NLRP6: variants seen among roughly 807,000 people sequenced by gnomAD.
NLRP6 encodes NACHT, LRR and PYD domains-containing protein 6.
A neutral mutation model predicts 70.9 loss-of-function variants in NLRP6; 55 were observed. The observed-to-expected ratio is 0.78, with a 90% confidence interval of 0.62 to 0.97. The LOEUF (loss-of-function observed/expected upper bound fraction) is 0.97, where lower values mean the gene tolerates loss of function less well. Among genes scored for constraint, NLRP6 ranks in the 50% least tolerant of loss-of-function variants. The probability of loss-of-function intolerance (pLI) is 0.00; values close to 1 mark genes in which losing one functional copy is unlikely to be tolerated. For missense variants in NLRP6, 1,241 were observed against 1,238.3 expected, an observed-to-expected ratio of 1.00 and a Z score of -0.03; for synonymous variants, 652 against 581.9, an observed-to-expected ratio of 1.12 and a Z score of -1.73.
chr11:280,727 CG>C lies in NLRP6; in HGVS notation c.996del (p.Arg333GlyfsTer43). 6.3e-7 allele frequency: 1 copy of C among 1,583,006 alleles called. No homozygotes were observed. The highest frequency in any genetic ancestry group is 8.6e-7 in the Non-Finnish European group (1 of 1,164,778). ...TGGTGACCACGCGCGCCGCCGCCCC[CG>C]GGAGGCTGCAGGGCCGCCTGTGTTC... ...LLVTTRAAAP[G>X]RLQGRLCSPQ... On this transcript the variant is annotated frameshift_variant, in exon 4 of 8. Coordinates refer to ENST00000534750, the MANE Select transcript of NLRP6 (RefSeq NM_001276700.2). LOFTEE classifies it high-confidence loss of function.
intron 7 of NLRP6, 103 bp downstream of exon 7, chr11:284,745 C>T: frequency 9.1e-7 from 1 of 1,095,632 alleles, no homozygotes; most frequent in East Asian, 2.6e-5. Flanking sequence ...GGGCCCCTCC[C>T]AGAGACCTCC....
At chr11:279,687 C>T (rs997353415) in intron 2 of NLRP6, 80 bp downstream of exon 2, 64 of 1,354,870 alleles carry the variant, frequency 4.7e-5, no homozygotes, top group Admixed American at 1.1e-4. Context: ...GAAGCCCCGG[C>T]GCGGTCCCCG....
At position 280,499 on chromosome 11, in the gene NLRP6, C is replaced by G; in HGVS notation, c.765C>G (p.Asp255Glu). ...GCAGCCTGGCTGACCTGATCCTGGA[C>G]CAGTGCCCCGACCGCGGCGCGCCGG... is the stretch of plus-strand genomic sequence containing the variant. ...GTRSLADLIL[D>E]QCPDRGAPVP... Residue 255 changes from aspartate (D) to glutamate (E), a missense_variant, in exon 4 of 8, where the codon GAC (aspartate) becomes GAG (glutamate). Asp to Glu is a conservative substitution (Grantham distance 45, BLOSUM62 2). Transcript: ENST00000534750. 1 of 1,581,972 alleles carries G rather than the reference C, an allele frequency of 6.3e-7. No individual in the cohort carries two copies. The highest frequency in any genetic ancestry group is 8.5e-7 in the Non-Finnish European group (1 of 1,174,146).
rs758661197 is a variant in NLRP6 at position 281,770 on chromosome 11, T to G, written c.2036T>G (p.Leu679Trp). 2 of 1,608,922 alleles carry G rather than the reference T, an allele frequency of 1.2e-6. No homozygotes were observed. Among genetic ancestry groups the G allele is most frequent in the South Asian group, 1.1e-5 (1 of 91,036 alleles). ...GCACTGCGGCTGATCAGCTGCAGATTGGTTGCTGCGCAGGAGAAGAAGAAG... is the reference window on the plus strand; with the variant it reads ...GCACTGCGGCTGATCAGCTGCAGATGGGTTGCTGCGCAGGAGAAGAAGAAG... ...GQALRLISCRLVAAQEKKKKS... is the reference protein window; with the variant it reads ...GQALRLISCRWVAAQEKKKKS... Residue 679 changes from leucine (L) to tryptophan (W), a missense_variant, in exon 4 of 8, where the codon TTG becomes TGG. Coordinates refer to ENST00000534750, the MANE Select transcript of NLRP6 (RefSeq NM_001276700.2).
chr11:282,599 G>T lies in NLRP6; in HGVS notation c.2106-106G>T, dbSNP rs982966808. 19 of 871,480 alleles carry T rather than the reference G, an allele frequency of 2.2e-5. No homozygotes were observed. The African/African-American group carries it at 2.8e-4, about 13-fold the overall frequency. 54.0% of individuals were successfully genotyped at this position (871,480 alleles called of 1,614,324 possible). A position where few individuals can be genotyped will look rare whatever the true frequency, so the allele number is the denominator to read the frequency against. ...GGGGGTGGCTCAGCAAGGAGGTGAG[G>T]AGGAGGGGCAGCTCTGAGACCCCAG... On this transcript the variant is annotated intron_variant, in intron 4 of 7. Coordinates refer to ENST00000534750, the MANE Select transcript of NLRP6 (RefSeq NM_001276700.2).
intron 2 of NLRP6, 110 bp from the exon 3 acceptor site, chr11:279,724 C>A: frequency 7.4e-7 from 1 of 1,348,916 alleles, no homozygotes; most frequent in Non-Finnish European, 9.6e-7. Context: ...TCCACAAATT[C>A]GCGGGCCCCA....
chr11:280,054 T>G (rs755718945), intron 3 of NLRP6, 30 bp from the exon 4 acceptor site: 67 of 1,455,838 alleles, frequency 4.6e-5, no homozygotes, highest in Non-Finnish European at 9.1e-6. Flanking sequence ...CTCCGACCCT[T>G]GTCCCCGCGC....
chr11:281,690 C>T lies in NLRP6; in HGVS notation c.1956C>T (p.Cys652=). Reference sequence around the variant, plus strand: ...TGGCGCTGCAGCGAGTGCGCTTCTGCCGCATGGACGTGGCTGTTCTGAGCT... The same window carrying T: ...TGGCGCTGCAGCGAGTGCGCTTCTGTCGCATGGACGTGGCTGTTCTGAGCT... ...PELALQRVRF[C]RMDVAVLSYC... is the part of the protein sequence containing the mutation. Residue 652 remains cysteine (C), a synonymous_variant, in exon 4 of 8, where the codon TGC becomes TGT. Transcript: ENST00000534750. 4 of 1,613,450 alleles carry T rather than the reference C, an allele frequency of 2.5e-6. No homozygotes were observed. The highest frequency in any genetic ancestry group is 3.4e-6 in the Non-Finnish European group (4 of 1,180,028).
At position 278,541 on chromosome 11, in the gene NLRP6, A is replaced by G. The variant is rs765804680; in HGVS notation, c.-29A>G. 5 of 1,540,776 alleles carry G rather than the reference A, an allele frequency of 3.2e-6. No homozygotes were observed. Among genetic ancestry groups the G allele is most frequent in the Non-Finnish European group, 4.4e-6 (5 of 1,144,552 alleles). On this transcript the variant is annotated 5_prime_UTR_variant, in exon 1 of 8. Coordinates refer to ENST00000534750, the MANE Select transcript of NLRP6 (RefSeq NM_001276700.2). The surrounding 1 kb of genome is among the most constrained non-coding windows in gnomAD (Gnocchi z 4.7). ...TCTCTGATCCCCACCTCTGCCCCGGAGTGCTAGACCCAGGGAGGAAGAGAC... is the reference window on the plus strand; with the variant it reads ...TCTCTGATCCCCACCTCTGCCCCGGGGTGCTAGACCCAGGGAGGAAGAGAC...
At position 284,235 on chromosome 11, in the gene NLRP6, C is replaced by T. The variant is rs1229059784; in HGVS notation, c.2204C>T (p.Ser735Phe). ...TCTGTGCTTCTTGACCACAGGCTGT[C>T]CCACTGCAAACTCCCTGACGCGGTC... ...PLCHLSSLTL[S>F]HCKLPDAVCR... The change falls in exon 6 of 8, where the codon TCC becomes TTC. Residue 735 changes from serine to phenylalanine, a missense_variant. Physicochemically the swap from Ser to Phe is radical, Grantham distance 155. Transcript: ENST00000534750. The T allele has an allele frequency of 1.2e-6, 2 of 1,613,052 alleles. No homozygotes were observed. The highest frequency in any genetic ancestry group is 2.7e-5 in the African/African-American group (2 of 74,922).
rs578006118 is a variant in NLRP6, at chr11:281,207, A to T, written c.1473A>T (p.Thr491=). ...AGGAGCTGCCGGGCGTGCTGGAGACAGAGGTCACCTACCAGTTCATCGACC... is the reference window on the plus strand; with the variant it reads ...AGGAGCTGCCGGGCGTGCTGGAGACTGAGGTCACCTACCAGTTCATCGACC... ...SKKELPGVLE[T]EVTYQFIDQS... The change falls in exon 4 of 8, where the codon ACA becomes ACT. Residue 491 remains threonine (T), a synonymous_variant. Coordinates refer to ENST00000534750, the MANE Select transcript of NLRP6 (RefSeq NM_001276700.2). 5.0e-6 allele frequency: 8 copies of T among 1,613,234 alleles called. No homozygotes were observed. The South Asian group carries it at 7.7e-5, about 15-fold the overall frequency.
In NLRP6 at chr11:281,721, G is replaced by A. The variant is rs1490499073; in HGVS notation, c.1987G>A (p.Val663Met). 8 of 1,613,160 alleles carry A rather than the reference G, an allele frequency of 5.0e-6. No individual in the cohort carries two copies. The highest frequency in any genetic ancestry group is 2.2e-5 in the South Asian group (2 of 91,094). Residue 663 changes from valine to methionine, a missense_variant, in exon 4 of 8, where the codon GTG becomes ATG. Transcript: ENST00000534750. The part of the protein sequence containing the change: ...RMDVAVLSYC[V>M]RCCPAGQALR... ...GGACGTGGCTGTTCTGAGCTACTGC[G>A]TGAGGTGCTGCCCTGCTGGACAGGC...
Position 280,668 on chromosome 11 carries a change from C to G in NLRP6, c.934C>G (p.Leu312Val). ...ASGARVLGGL[L>V]SKALLPTALL... is the part of the protein sequence containing the mutation. ...CGGCGCGCGGGTGCTAGGCGGGCTG[C>G]TGAGCAAGGCGCTGCTGCCCACGGC... The change falls in exon 4 of 8, where the codon CTG (leucine) becomes GTG (valine). Residue 312 changes from leucine (L) to valine (V), a missense_variant. Leu to Val is a conservative substitution (Grantham distance 32). Coordinates refer to ENST00000534750, the MANE Select transcript of NLRP6 (RefSeq NM_001276700.2). The G allele has an allele frequency of 6.5e-7, 1 of 1,541,554 alleles. No individual in the cohort carries two copies.
At position 280,922 on chromosome 11, in the gene NLRP6, C is replaced by G. The variant is rs780216921; in HGVS notation, c.1188C>G (p.Thr396=). The G allele has an allele frequency of 6.2e-7, 1 of 1,613,204 alleles. No homozygotes were observed. Among genetic ancestry groups the G allele is most frequent in the East Asian group, 2.2e-5 (1 of 44,884 alleles). The change falls in exon 4 of 8, where the codon ACC becomes ACG. Residue 396 remains threonine, a synonymous_variant. Transcript: ENST00000534750. ...FVPFVCWIVC[T]VLRQQLELGR... ...CCTTCGTGTGCTGGATCGTGTGCAC[C>G]GTGCTGCGCCAGCAGCTGGAGCTCG...
rs1845461208 is a variant in NLRP6, at chr11:280,756, C to T, written c.1022C>T (p.Pro341Leu). The change falls in exon 4 of 8, where the codon CCG becomes CTG. Residue 341 changes from proline (P) to leucine (L), a missense_variant. Physicochemically the swap from Pro to Leu is moderately conservative, Grantham distance 98. Transcript: ENST00000534750. ...PGRLQGRLCSPQCAEVRGFSD... is the reference protein window; with the variant it reads ...PGRLQGRLCSLQCAEVRGFSD... ...AGGCTGCAGGGCCGCCTGTGTTCCC[C>T]GCAGTGCGCCGAGGTGCGCGGCTTC... is the stretch of plus-strand genomic sequence containing the variant. 1.2e-6 allele frequency: 2 copies of T among 1,608,050 alleles called. No individual in the cohort carries two copies. The highest frequency in any genetic ancestry group is 8.5e-7 in the Non-Finnish European group (1 of 1,177,192).
At position 284,534 on chromosome 11, in the gene NLRP6, G is replaced by A. The variant is rs760455746; in HGVS notation, c.2429G>A (p.Ser810Asn). The A allele has an allele frequency of 1.6e-5, 25 of 1,612,878 alleles. No individual in the cohort carries two copies. The Admixed American group carries it at 2.5e-4, about 16-fold the overall frequency. The change falls in exon 7 of 8, where the codon AGC becomes AAC. Residue 810 changes from serine (S) to asparagine (N), a missense_variant. Transcript: ENST00000534750. ...LQYLVGMLRQ[S>N]PALTTLDLSG... The stretch of plus-strand genomic sequence containing the variant: ...TACCTGGTGGGTATGCTTCGGCAGA[G>A]CCCTGCCCTGACCACCCTGGATCTC...
At position 284,299 on chromosome 11, in the gene NLRP6, A is replaced by G. The variant is rs7108261; in HGVS notation, c.2268A>G (p.Ala756=). The G allele has an allele frequency of 0.029, 47,001 of 1,612,642 alleles. 11,057 individuals carry two copies. The African/African-American group carries it at 0.53, about 18-fold the overall frequency. ...DLSEALRAAP[A]LTELGLLHNR... ...CTGAGGCCCTGAGGGCAGCCCCCGC[A>G]CTGACGGAGCTGGGCCTCCTCCACA... Residue 756 remains alanine (A), a synonymous_variant, in exon 6 of 8, where the codon GCA becomes GCG. Coordinates refer to ENST00000534750, the MANE Select transcript of NLRP6 (RefSeq NM_001276700.2).
intron 7 of NLRP6, 116 bp downstream of exon 7, chr11:284,758 T>G: frequency 1.0e-6 from 1 of 979,248 alleles, no homozygotes. Context: ...AGACCTCCCA[T>G]GTGACTGAGC....
intron 4 of NLRP6, 125 bp downstream of exon 4, chr11:281,964 G>A: frequency 1.2e-6 from 1 of 843,068 alleles, no homozygotes; most frequent in East Asian, 2.7e-5. Flanking sequence ...CCCCAGATGG[G>A]GAGGCTTTGA....
Sources: allele counts gnomAD v4.1 joint callset, GRCh38; gene constraint gnomAD v4.1.1; non-coding constraint Gnocchi (gnomAD v3.1); transcripts MANE v1.5; gene names NCBI Gene and HGNC (gene_info 2026-07-23, HGNC 2026-07-21).